Variants in GDPD4 observed in about 807,000 individuals in gnomAD.
GDPD4 encodes glycerophosphodiester phosphodiesterase domain containing 4, also known as glycerophosphodiester phosphodiesterase 6.
Under a neutral mutation model 67.8 loss-of-function variants are expected in GDPD4, and 60 were observed. The ratio of observed to expected loss-of-function variants is 0.88; its 90% CI spans 0.72 to 1.10. The LOEUF is 1.10. GDPD4 is among the 50% of genes least tolerant of loss of function. GDPD4 has a pLI of 0.00. For synonymous variants in GDPD4, 212 were observed against 210.9 expected, an observed-to-expected ratio of 1.00 and a Z score of -0.04; for missense variants, 623 against 613.9, an observed-to-expected ratio of 1.01 and a Z score of -0.16.
intron 10 of GDPD4, among the ~76,000 whole-genome samples, chr11:77,266,743 A>G (rs1959179991): frequency 6.6e-6 from 1 of 152,208 alleles, no homozygotes; most frequent in Non-Finnish European, 1.5e-5. Context: ...TTTCTAACAA[A>G]AAAGTTAAAA....
intron 2 of GDPD4, among the ~76,000 whole-genome samples, chr11:77,285,442 C>T (rs1197716794): frequency 2.0e-5 from 3 of 152,180 alleles, no homozygotes; most frequent in Non-Finnish European, 4.4e-5. Context: ...GGAAAAGGAA[C>T]GTCTCTGTAT....
chr11:77,287,047 A>C (rs1272416102), intron 2 of GDPD4, 171 bp downstream of exon 2: 1 of 152,234 alleles, frequency 6.6e-6, no homozygotes, highest in Non-Finnish European at 1.5e-5. Context: ...AAAATGAAGA[A>C]AGCAAGTACA....
At chr11:77,220,014 T>G (rs1958197242) in intron 16 of GDPD4, among the ~76,000 whole-genome samples, 1 of 152,184 alleles carries the variant, frequency 6.6e-6, no homozygotes, top group Admixed American at 6.5e-5. Flanking sequence ...TGAAGTTGCT[T>G]ATCAGCTTAA....
At chr11:77,295,952 C>A (rs2135898166) in intron 1 of GDPD4, among the ~76,000 whole-genome samples, 1 of 151,992 alleles carries the variant, frequency 6.6e-6, no homozygotes, top group Non-Finnish European at 1.5e-5. Flanking sequence ...CAAATTTTAT[C>A]TTAATTAGAA....
chr11:77,264,493 G>C (rs566838825), intron 10 of GDPD4, among the ~76,000 whole-genome samples: 31 of 152,168 alleles, frequency 2.0e-4, no homozygotes, highest in Admixed American at 6.5e-5. Context: ...ATAGGAAACA[G>C]CCAGGTAGGA....
intron 11 of GDPD4, among the ~76,000 whole-genome samples, chr11:77,256,582 T>G (rs1959007703): frequency 6.6e-6 from 1 of 152,206 alleles, no homozygotes; most frequent in African/African-American, 2.4e-5. Flanking sequence ...AATCTTATGT[T>G]GAAATGTGAC....
At chr11:77,241,325 C>T (rs1487354736) in intron 13 of GDPD4, among the ~76,000 whole-genome samples, 3 of 152,070 alleles carry the variant, frequency 2.0e-5, no homozygotes, top group Non-Finnish European at 4.4e-5. Flanking sequence ...AAATAAGCCA[C>T]GCAAAGAAAG....
At chr11:77,250,242 C>T (rs926842003) in intron 11 of GDPD4, among the ~76,000 whole-genome samples, 4 of 152,086 alleles carry the variant, frequency 2.6e-5, no homozygotes, top group Admixed American at 2.6e-4. Flanking sequence ...ACCCTGGCCC[C>T]CTTCCTCCTT....
chr11:77,248,555 T>C (rs1177484029), intron 11 of GDPD4, among the ~76,000 whole-genome samples: 1 of 152,042 alleles, frequency 6.6e-6, no homozygotes, highest in African/African-American at 2.4e-5. Context: ...TTAATTGCAT[T>C]ACTATAAAAA....
chr11:77,224,747 A>G (rs1312723326), intron 16 of GDPD4, among the ~76,000 whole-genome samples: 1 of 152,232 alleles, frequency 6.6e-6, no homozygotes, highest in Non-Finnish European at 1.5e-5. Flanking sequence ...TCTGTGAGAT[A>G]ATACATTTGT....
At chr11:77,251,374 G>GA (rs2135851538) in intron 11 of GDPD4, among the ~76,000 whole-genome samples, 1 of 152,098 alleles carries the variant, frequency 6.6e-6, no homozygotes, top group South Asian at 2.1e-4. Flanking sequence ...CAGATGCAGG[G>GA]ATCCCTTGAA....
intron 11 of GDPD4, among the ~76,000 whole-genome samples, chr11:77,257,552 T>TACACACACACACAC (rs71043563): frequency 2.9e-4 from 39 of 134,348 alleles, no homozygotes; most frequent in African/African-American, 9.4e-4. Context: ...CTCCCTCTCC[T>TACACACACACACAC]ACACACACAC....
chr11:77,231,325 A>C (rs1175858092), intron 14 of GDPD4, among the ~76,000 whole-genome samples: 1 of 152,246 alleles, frequency 6.6e-6, no homozygotes, highest in Non-Finnish European at 1.5e-5. Flanking sequence ...AGAAGAAACA[A>C]AAAAGCCAAA....
intron 16 of GDPD4, among the ~76,000 whole-genome samples, chr11:77,219,022 T>C (rs1958178321): frequency 6.6e-6 from 1 of 152,328 alleles, no homozygotes; most frequent in Admixed American, 6.5e-5. Context: ...GTAAAAGTGT[T>C]CCTATTTCTC....
intron 1 of GDPD4, among the ~76,000 whole-genome samples, chr11:77,301,132 A>G (rs1480803796): frequency 6.6e-6 from 1 of 152,184 alleles, no homozygotes; most frequent in Admixed American, 6.5e-5. Context: ...TCCTTCCCAG[A>G]GCTCTTCTCT....
intron 13 of GDPD4, among the ~76,000 whole-genome samples, chr11:77,238,278 T>G (rs1482138983): frequency 6.6e-6 from 1 of 152,150 alleles, no homozygotes; most frequent in Non-Finnish European, 1.5e-5. Flanking sequence ...GTCACTGAAT[T>G]GTTCACTTTA....
chr11:77,292,289 T>C (rs1937805520), intron 1 of GDPD4, among the ~76,000 whole-genome samples: 1 of 152,036 alleles, frequency 6.6e-6, no homozygotes, highest in African/African-American at 2.4e-5. Flanking sequence ...TTGAAAATAC[T>C]AGAATTAAAT....
chr11:77,223,938 G>T (rs1442653993), intron 16 of GDPD4, among the ~76,000 whole-genome samples: 1 of 152,194 alleles, frequency 6.6e-6, no homozygotes, highest in East Asian at 1.9e-4. Context: ...TGGCCTTGCA[G>T]TTCCATCTGG....
intron 16 of GDPD4, among the ~76,000 whole-genome samples, chr11:77,217,821 C>A (rs546335251): frequency 6.6e-6 from 1 of 152,004 alleles, no homozygotes; most frequent in African/African-American, 2.4e-5. Context: ...ATCCTTCTAC[C>A]AAAGACAAAT....
Sources: gnomAD v4.1 joint callset for allele counts (sites outside exome capture counted in the v4.1 genomes callset) on GRCh38, gnomAD v4.1.1 for gene constraint, MANE v1.5 for transcripts, NCBI Gene and HGNC (gene_info 2026-07-23, HGNC 2026-07-21) for gene names.